ERG: variants seen among roughly 807,000 people sequenced by gnomAD.
ERG encodes the protein transcriptional regulator ERG.
Under a neutral mutation model 55.3 loss-of-function variants are expected in ERG, and 9 were observed. The observed-to-expected ratio is 0.16, with a 90% CI of 0.10 to 0.28. The LOEUF is 0.28. Ranked by LOEUF, ERG falls within the 10% of genes least tolerant of loss-of-function variation. ERG has a pLI of 1.00. For synonymous variants in ERG, 223 were observed against 237.3 expected, an observed-to-expected ratio of 0.94 and a Z score of 0.55; for missense variants, 434 against 631.6, an observed-to-expected ratio of 0.69 and a Z score of 3.35.
At chr21:38,396,595 A>C (rs1988231929) in intron 6 of ERG, among the ~76,000 whole-genome samples, 1 of 152,228 alleles carries the variant, frequency 6.6e-6, no homozygotes, top group Non-Finnish European at 1.5e-5. Flanking sequence ...GGCATATCAT[A>C]ATATATGGGT....
intron 3 of ERG, among the ~76,000 whole-genome samples, chr21:38,411,632 G>A (rs370885971): frequency 5.9e-5 from 9 of 152,200 alleles, no homozygotes; most frequent in African/African-American, 9.6e-5. Context: ...AAAAAGTTCC[G>A]GTTTGTTACT....
intron 2 of ERG, among the ~76,000 whole-genome samples, chr21:38,562,143 G>C (rs1464264747): frequency 6.6e-6 from 1 of 152,098 alleles, no homozygotes; most frequent in Non-Finnish European, 1.5e-5. Context: ...CTTGTTTCTT[G>C]CTACACAGAA....
intron 1 of ERG, among the ~76,000 whole-genome samples, chr21:38,617,800 T>G (rs2060267396): frequency 6.6e-6 from 1 of 152,228 alleles, no homozygotes; most frequent in Admixed American, 6.5e-5. Flanking sequence ...TGTTCATATC[T>G]GTTGTCTTTG....
chr21:38,591,899 G>T (rs2060102417), intron 1 of ERG, among the ~76,000 whole-genome samples: 1 of 152,222 alleles, frequency 6.6e-6, no homozygotes. Flanking sequence ...TATTTGCTCA[G>T]TCTGTTTGAA....
chr21:38,562,799 C>T (rs539330789), intron 2 of ERG, among the ~76,000 whole-genome samples: 14 of 152,060 alleles, frequency 9.2e-5, no homozygotes, highest in African/African-American at 2.4e-4. Flanking sequence ...CCTGCAGGAC[C>T]GAGAGTGTGG....
intron 1 of ERG, among the ~76,000 whole-genome samples, chr21:38,594,529 T>C (rs977499833): frequency 1.3e-5 from 2 of 152,042 alleles, no homozygotes; most frequent in Non-Finnish European, 2.9e-5. Context: ...GCAAGGTGTG[T>C]CTCTCACTCC....
chr21:38,455,916 C>T (rs931196627), intron 1 of ERG, among the ~76,000 whole-genome samples: 58 of 149,798 alleles, frequency 3.9e-4, no homozygotes, highest in African/African-American at 1.3e-3. Context: ...TCAACATGCA[C>T]GTGCCAGGAT....
intron 1 of ERG, among the ~76,000 whole-genome samples, chr21:38,622,891 A>AAGGAAAGAGG (rs2146945349): frequency 6.7e-6 from 1 of 149,328 alleles, no homozygotes; most frequent in African/African-American, 2.5e-5. Flanking sequence ...CATATATACC[A>AAGGAAAGAGG]CACACACCAT....
At chr21:38,425,325 T>C (rs1433846381) in intron 2 of ERG, among the ~76,000 whole-genome samples, 1 of 151,046 alleles carries the variant, frequency 6.6e-6, no homozygotes, top group East Asian at 2.0e-4. Context: ...GTTGAGGTCG[T>C]GGTGAGCTGA....
chr21:38,423,038 C>T (rs1468919217), intron 3 of ERG, among the ~76,000 whole-genome samples: 1 of 150,836 alleles, frequency 6.6e-6, no homozygotes, highest in Admixed American at 6.6e-5. Context: ...AGCAAGGCTG[C>T]ATGTTTGCCT....
chr21:38,483,942 A>G (rs2059260917), intron 1 of ERG, among the ~76,000 whole-genome samples: 1 of 152,172 alleles, frequency 6.6e-6, no homozygotes, highest in Non-Finnish European at 1.5e-5. Flanking sequence ...TCACTGATTC[A>G]TGCACTCACT....
chr21:38,442,349 C>T lies in ERG; in HGVS notation c.236+3055G>A, dbSNP rs145200636. ...GGTGGAGGTTGCAGTAAGCTGAGAT[C>T]GTGCCACTTCCCTGCAGCCTGGGTA... On this transcript the variant is annotated intron_variant, in intron 2 of 9. Coordinates refer to ENST00000288319, the MANE Select transcript of ERG (RefSeq NM_182918.4). Among the ~76,000 whole-genome samples the T allele has an allele frequency of 1.3e-3, 192 of 152,220 alleles. 3 individuals are homozygous for T. The East Asian group carries it at 0.036, about 28-fold the overall frequency.
rs1253588063 is a variant in ERG at position 38,460,062 on chromosome 21, T to G, written c.19-14441A>C. Among the ~76,000 whole-genome samples, 1 of 152,162 alleles carries G rather than the reference T, an allele frequency of 6.6e-6. No homozygotes were observed. Among genetic ancestry groups the G allele is most frequent in the African/African-American group, 2.4e-5 (1 of 41,430 alleles). ...TCATTTAGAGTGGCCAGGGTGGTCC[T>G]GAGAAAACGCGAAGGAGGGGAGGGT... On this transcript the variant is annotated intron_variant, in intron 1 of 9. Coordinates refer to ENST00000288319, the MANE Select transcript of ERG (RefSeq NM_182918.4). The surrounding 1 kb of genome is among the most constrained non-coding windows in gnomAD (Gnocchi z 5.0).
At chr21:38,501,289 G>A (rs1194401188), upstream of ERG, among the ~76,000 whole-genome samples, 1 of 151,316 alleles carries the variant, frequency 6.6e-6, no homozygotes, top group Non-Finnish European at 1.5e-5. Context: ...GGATGGTCTC[G>A]ATCTCCTGAC....
intron 2 of ERG, among the ~76,000 whole-genome samples, chr21:38,503,629 AAGGACAAAACAAT>A (rs1810959411): frequency 6.6e-6 from 1 of 152,210 alleles, no homozygotes; most frequent in South Asian, 2.1e-4. Flanking sequence ...GCAGGTTTTT[AAGGACAAAACAAT>A]AGGACAAAAG....
At chr21:38,426,354 T>A (rs900498552) in intron 2 of ERG, among the ~76,000 whole-genome samples, 1 of 152,136 alleles carries the variant, frequency 6.6e-6, no homozygotes, top group Non-Finnish European at 1.5e-5. Context: ...ATCAGTTGAG[T>A]AGAGTGTATA....
At chr21:38,566,073 T>G (rs2059920876) in intron 2 of ERG, among the ~76,000 whole-genome samples, 1 of 152,142 alleles carries the variant, frequency 6.6e-6, no homozygotes, top group African/African-American at 2.4e-5. Flanking sequence ...TGTGATAAAA[T>G]AGTGCTCTCA....
At chr21:38,395,862 T>A (rs1210325649) in intron 6 of ERG, among the ~76,000 whole-genome samples, 1 of 152,162 alleles carries the variant, frequency 6.6e-6, no homozygotes, top group Non-Finnish European at 1.5e-5. Context: ...TTCAGCCAAG[T>A]TTTACATTCT....
chr21:38,595,107 A>C (rs900375496), intron 1 of ERG, among the ~76,000 whole-genome samples: 1 of 144,506 alleles, frequency 6.9e-6, no homozygotes, highest in Non-Finnish European at 1.5e-5. Context: ...TGGATCTCAA[A>C]GGGCCAAGAC....
Sources: allele counts gnomAD v4.1 joint callset (sites outside exome capture counted in the v4.1 genomes callset), GRCh38; gene constraint gnomAD v4.1.1; non-coding constraint Gnocchi (gnomAD v3.1); transcripts MANE v1.5; gene names NCBI Gene and HGNC (gene_info 2026-07-23, HGNC 2026-07-21).